Variants in CHSY3 observed in about 807,000 individuals in gnomAD.
The protein encoded by CHSY3 is chondroitin sulfate synthase 3, also known as N-acetylgalactosaminyl-proteoglycan 3-beta-glucuronosyltransferase 3.
CHSY3 carries 35 observed loss-of-function variants against 67.2 expected under a neutral mutation model. That is an observed-to-expected ratio of 0.52 (90% CI 0.40 to 0.69). The LOEUF is 0.69. Ranked by LOEUF, CHSY3 falls within the 30% of genes least tolerant of loss-of-function variation. CHSY3 has a pLI of 0.00. For synonymous variants in CHSY3, 474 were observed against 434.7 expected (o/e 1.09, Z -1.12); for missense variants, 1,069 against 1,138.5 (o/e 0.94, Z 0.88).
intron 2 of CHSY3, among the ~76,000 whole-genome samples, chr5:130,182,616 C>T (rs956310685): frequency 6.6e-6 from 1 of 152,010 alleles, no homozygotes; most frequent in Admixed American, 6.6e-5. Context: ...CTTTTTAAAG[C>T]CTTTTTCTAA....
rs182163092 is a variant in CHSY3, at chr5:130,041,193, C to T, written c.1086+132833C>T. ...TGCCCCTTACCCACCCAATGACTGA[C>T]TGATAATGGGATGTGGAAGATGGTC... On this transcript the variant is annotated intron_variant, in intron 2 of 2. Coordinates refer to ENST00000305031, the MANE Select transcript of CHSY3 (RefSeq NM_175856.5). Among the ~76,000 whole-genome samples the T allele has an allele frequency of 5.3e-4, 80 of 152,198 alleles. 2 individuals carry two copies. The East Asian group carries it at 0.013, about 24-fold the overall frequency.
chr5:129,970,988 G>A (rs1490956484), intron 2 of CHSY3, among the ~76,000 whole-genome samples: 4 of 151,746 alleles, frequency 2.6e-5, no homozygotes. Context: ...TGATATTAAG[G>A]CTTATTATAG....
At chr5:129,975,898 C>T (rs1481798586) in intron 2 of CHSY3, among the ~76,000 whole-genome samples, 4 of 152,022 alleles carry the variant, frequency 2.6e-5, no homozygotes, top group Non-Finnish European at 4.4e-5. Flanking sequence ...TAGGAGTCAT[C>T]ATTTTTCTCT....
At chr5:129,985,867 G>T (rs1429855461) in intron 2 of CHSY3, among the ~76,000 whole-genome samples, 1 of 152,056 alleles carries the variant, frequency 6.6e-6, no homozygotes, top group Non-Finnish European at 1.5e-5. Flanking sequence ...TTTGTACATT[G>T]ATTTTGTATC....
chr5:129,996,096 TCA>T (rs1763530496), intron 2 of CHSY3, among the ~76,000 whole-genome samples: 1 of 152,176 alleles, frequency 6.6e-6, no homozygotes, highest in Non-Finnish European at 1.5e-5. Flanking sequence ...TCCCTAAGAC[TCA>T]GTTTTTCCAT....
At chr5:129,978,703 T>C (rs1762882594) in intron 2 of CHSY3, among the ~76,000 whole-genome samples, 1 of 152,190 alleles carries the variant, frequency 6.6e-6, no homozygotes, top group Non-Finnish European at 1.5e-5. Context: ...TTTTCTTTAA[T>C]AATTTATATA....
chr5:130,093,901 G>A lies in CHSY3; in HGVS notation c.1087-90328G>A, dbSNP rs1302751697. Among the ~76,000 whole-genome samples, 4 of 152,070 alleles carry A rather than the reference G, an allele frequency of 2.6e-5. No individual in the cohort carries two copies. In the East Asian group the frequency reaches 7.7e-4, roughly 29 times the overall value. On this transcript the variant is annotated intron_variant, in intron 2 of 2. Coordinates refer to ENST00000305031, the MANE Select transcript of CHSY3 (RefSeq NM_175856.5). ...TTAATTTTTTTCTGCTGCATAAAAA[G>A]TACCACATCTCTTCTATTTCCTTCT...
At chr5:130,075,002 C>G (rs1766204368) in intron 2 of CHSY3, among the ~76,000 whole-genome samples, 1 of 152,108 alleles carries the variant, frequency 6.6e-6, no homozygotes, top group African/African-American at 2.4e-5. Context: ...TCCTCTCTTA[C>G]TGGAATGCTG....
At chr5:130,031,431 G>T (rs1764701113) in intron 2 of CHSY3, among the ~76,000 whole-genome samples, 1 of 151,994 alleles carries the variant, frequency 6.6e-6, no homozygotes, top group Admixed American at 6.6e-5. Flanking sequence ...ATATTTACTA[G>T]AACATCCCCC....
intron 2 of CHSY3, among the ~76,000 whole-genome samples, chr5:129,955,762 C>T: frequency 6.6e-6 from 1 of 152,094 alleles, no homozygotes; most frequent in East Asian, 1.9e-4. Context: ...CATCATTTAG[C>T]TTCCACTTAT....
At chr5:129,922,035 C>A (rs964327234) in intron 2 of CHSY3, among the ~76,000 whole-genome samples, 1 of 152,138 alleles carries the variant, frequency 6.6e-6, no homozygotes, top group Non-Finnish European at 1.5e-5. Context: ...TTCTACTCCC[C>A]GTCTTCATGA....
intron 2 of CHSY3, among the ~76,000 whole-genome samples, chr5:130,132,913 C>T (rs1768528823): frequency 6.6e-6 from 1 of 152,232 alleles, no homozygotes; most frequent in East Asian, 1.9e-4. Flanking sequence ...TAACACTGGC[C>T]TCACAATCAG....
intron 2 of CHSY3, among the ~76,000 whole-genome samples, chr5:130,048,124 G>A (rs951262373): frequency 6.8e-6 from 1 of 147,292 alleles, no homozygotes; most frequent in Non-Finnish European, 1.5e-5. Flanking sequence ...ATATGTATGT[G>A]TATAGAGATG....
chr5:130,007,441 G>A (rs1033375823), intron 2 of CHSY3, among the ~76,000 whole-genome samples: 11 of 152,186 alleles, frequency 7.2e-5, no homozygotes, highest in Non-Finnish European at 1.2e-4. Flanking sequence ...TCAGATCCTG[G>A]GTTGAAGGGG....
intron 2 of CHSY3, among the ~76,000 whole-genome samples, chr5:129,995,575 A>G (rs1187968457): frequency 1.4e-5 from 2 of 147,266 alleles, no homozygotes; most frequent in African/African-American, 5.0e-5. Flanking sequence ...GTGGCTGTGT[A>G]CTTTTAAGAA....
chr5:129,943,436 A>T (rs1038383537), intron 2 of CHSY3, among the ~76,000 whole-genome samples: 4 of 152,212 alleles, frequency 2.6e-5, no homozygotes, highest in African/African-American at 4.8e-5. Flanking sequence ...GTCAGTTCAA[A>T]TTTTATTGGT....
Position 129,941,066 on chromosome 5 carries a change from C to G in CHSY3, c.1086+32706C>G, listed in dbSNP as rs144248385. On this transcript the variant is annotated intron_variant, in intron 2 of 2. Coordinates refer to ENST00000305031, the MANE Select transcript of CHSY3 (RefSeq NM_175856.5). ...AGAGCCTGTCTCTACAAAAAAAATA[C>G]AAAAATTAGCCGAGCATGGTAGCAC... Among the ~76,000 whole-genome samples, 646 of 152,154 alleles carry G rather than the reference C, an allele frequency of 4.2e-3. 8 individuals are homozygous for G. Among genetic ancestry groups the G allele is most frequent in the African/African-American group, 0.015 (631 of 41,520 alleles).
intron 2 of CHSY3, among the ~76,000 whole-genome samples, chr5:130,020,453 ATATATATATTT>A (rs1358223655): frequency 0.011 from 84 of 7,860 alleles, no homozygotes; most frequent in Middle Eastern, 0.083. Context: ...ATATATATAT[ATATATATATTT>A]TTTTTTTTTT....
At chr5:130,011,345 T>A (rs1764054468) in intron 2 of CHSY3, among the ~76,000 whole-genome samples, 1 of 152,150 alleles carries the variant, frequency 6.6e-6, no homozygotes, top group Non-Finnish European at 1.5e-5. Context: ...ATGTGATTCA[T>A]CACATAAACG....
Sources: allele counts gnomAD v4.1 joint callset (sites outside exome capture counted in the v4.1 genomes callset), GRCh38; gene constraint gnomAD v4.1.1; transcripts MANE v1.5; gene names NCBI Gene and HGNC (gene_info 2026-07-23, HGNC 2026-07-21).